The following TEC variants were observed in gnomAD, a reference collection of about 807,000 sequenced individuals.
TEC encodes tec protein tyrosine kinase, also known as tyrosine-protein kinase Tec.
Under a neutral mutation model 93.0 loss-of-function variants are expected in TEC, and 72 were observed. That is an observed-to-expected ratio of 0.77 (90% confidence interval 0.64 to 0.94). The LOEUF is 0.94. TEC is among the 40% of genes least tolerant of loss of function. The pLI is 0.00. For missense variants in TEC, 630 were observed against 757.9 expected, an observed-to-expected ratio of 0.83 and a Z score of 1.98; for synonymous variants, 249 against 247.7, an observed-to-expected ratio of 1.01 and a Z score of -0.05.
chr4:48,208,289 G>C (rs1052764243), intron 2 of TEC, among the ~76,000 whole-genome samples: 5 of 152,298 alleles, frequency 3.3e-5, no homozygotes, highest in African/African-American at 1.2e-4. Context: ...CTGAGGGACT[G>C]ACCTCTCCAA....
chr4:48,255,187 C>T (rs1724308733), intron 1 of TEC, among the ~76,000 whole-genome samples: 1 of 152,182 alleles, frequency 6.6e-6, no homozygotes, highest in African/African-American at 2.4e-5. Flanking sequence ...GCTCTCACCA[C>T]CGTGCAGTGC....
chr4:48,242,807 C>T (rs11947315), intron 1 of TEC, among the ~76,000 whole-genome samples: 18,761 of 152,074 alleles, frequency 0.12, 1,450 homozygotes, highest in East Asian at 0.24. Flanking sequence ...TTTTATCTAC[C>T]ATTATTCTAA....
rs759123159 is a variant in TEC at position 48,176,076 on chromosome 4, G to A, written c.243+6C>T. 1.2e-6 allele frequency: 2 copies of A among 1,607,198 alleles called. No homozygotes were observed. The highest frequency in any genetic ancestry group is 3.3e-5 in the Admixed American group (2 of 59,982). On this transcript the variant is annotated splice_donor_region_variant and intron_variant, in intron 3 of 17. Transcript: ENST00000381501. ...ACTGCACTGCCACAAAAATACACCA[G>A]CTCACCTGAAATGGATACTTATTTT...
Position 48,150,935 on chromosome 4 carries a change from T to G in TEC, c.800A>C (p.Glu267Ala). Residue 267 changes from glutamate (E) to alanine (A), a missense_variant, in exon 10 of 18, where the codon GAA becomes GCA. Physicochemically the swap from Glu to Ala is moderately radical, Grantham distance 107 (BLOSUM62 -1). Around this residue, in one of 3 missense-constraint regions of TEC, gnomAD observed 335 missense variants for 351.5 expected, o/e 0.95. Transcript: ENST00000381501. The part of the protein sequence containing the change: ...AEQLLRSEDK[E>A]GGFMVRDSSQ... ...GGAATCCCTTACCATAAAACCACCT[T>G]CTTTATCCTAAAATCCAAGTTCAGA... 1.3e-6 allele frequency: 2 copies of G among 1,583,918 alleles called. No homozygotes were observed. The highest frequency in any genetic ancestry group is 2.7e-5 in the African/African-American group (2 of 73,942).
At chr4:48,167,068 T>C (rs904700243) in intron 7 of TEC, among the ~76,000 whole-genome samples, 2 of 152,000 alleles carry the variant, frequency 1.3e-5, no homozygotes, top group Non-Finnish European at 2.9e-5. Flanking sequence ...AAACACAGGA[T>C]ACAGAGTTTG....
intron 1 of TEC, among the ~76,000 whole-genome samples, chr4:48,257,700 T>C (rs928268806): frequency 4.6e-5 from 7 of 152,192 alleles, no homozygotes; most frequent in Non-Finnish European, 1.0e-4. Context: ...ATTTGGGATG[T>C]TTATTACTTG....
intron 1 of TEC, among the ~76,000 whole-genome samples, chr4:48,234,771 T>C (rs1723739883): frequency 6.6e-6 from 1 of 151,550 alleles, no homozygotes; most frequent in Non-Finnish European, 1.5e-5. Flanking sequence ...GGTGGGGGAG[T>C]ACTTTATGAA....
chr4:48,138,602 T>A, intron 17 of TEC, 63 bp downstream of exon 17: 2 of 1,524,764 alleles, frequency 1.3e-6, no homozygotes, highest in South Asian at 2.6e-5. Context: ...AGACTGCATG[T>A]TATCCATCTA....
intron 2 of TEC, among the ~76,000 whole-genome samples, chr4:48,216,965 C>T (rs1723102107): frequency 2.0e-5 from 3 of 152,154 alleles, no homozygotes; most frequent in Non-Finnish European, 4.4e-5. Flanking sequence ...AGGACCAAAC[C>T]TTTGATTAAA....
At chr4:48,205,167 C>T (rs957941487) in intron 2 of TEC, among the ~76,000 whole-genome samples, 2 of 152,220 alleles carry the variant, frequency 1.3e-5, no homozygotes, top group African/African-American at 4.8e-5. Flanking sequence ...TGTAGACACT[C>T]AATAAATGTT....
intron 2 of TEC, among the ~76,000 whole-genome samples, chr4:48,207,032 G>A (rs867823452): frequency 4.6e-5 from 7 of 152,246 alleles, no homozygotes; most frequent in Non-Finnish European, 5.9e-5. Context: ...GAAGGAGACA[G>A]AGATCTTCTG....
Position 48,137,386 on chromosome 4 carries a change from G to T in TEC, c.*30C>A. On this transcript the variant is annotated 3_prime_UTR_variant, in exon 18 of 18. Transcript: ENST00000381501. ...AAATGCCCATCCTTCCTTGTGCTTG[G>T]GAATCTGGGAGCCACTGGTCACACA... The T allele has an allele frequency of 6.3e-7, 1 of 1,584,976 alleles. No individual in the cohort carries two copies. The highest frequency in any genetic ancestry group is 8.6e-7 in the Non-Finnish European group (1 of 1,156,318).
intron 1 of TEC, among the ~76,000 whole-genome samples, chr4:48,232,214 G>C (rs1723666302): frequency 6.6e-6 from 1 of 151,948 alleles, no homozygotes; most frequent in Non-Finnish European, 1.5e-5. Context: ...GTTTGAACCG[G>C]GGAGGCAGAA....
chr4:48,249,531 T>C (rs1724148547), intron 1 of TEC, among the ~76,000 whole-genome samples: 1 of 152,266 alleles, frequency 6.6e-6, no homozygotes, highest in African/African-American at 2.4e-5. Context: ...TGCTAGTATG[T>C]GCCTTCCTGA....
At chr4:48,256,594 CAAAAAAAA>C (rs34792955) in intron 1 of TEC, among the ~76,000 whole-genome samples, 23 of 61,678 alleles carry the variant, frequency 3.7e-4, no homozygotes, top group Non-Finnish European at 6.7e-4. Flanking sequence ...GACCTTGTCT[CAAAAAAAA>C]AAAAAAAAAA....
chr4:48,224,308 C>A (rs545847654), intron 2 of TEC, among the ~76,000 whole-genome samples: 1 of 152,316 alleles, frequency 6.6e-6, no homozygotes, highest in Admixed American at 6.5e-5. Flanking sequence ...TGCAAATTTA[C>A]ATACTACTTC....
At chr4:48,237,491 T>A (rs1369841907) in intron 1 of TEC, among the ~76,000 whole-genome samples, 1 of 152,102 alleles carries the variant, frequency 6.6e-6, no homozygotes, top group African/African-American at 2.4e-5. Flanking sequence ...GACTGTGAGT[T>A]ACCAAATGAT....
intron 1 of TEC, among the ~76,000 whole-genome samples, chr4:48,258,491 T>C (rs1303233792): frequency 6.6e-6 from 1 of 152,162 alleles, no homozygotes; most frequent in Non-Finnish European, 1.5e-5. Context: ...TGAGATCAAC[T>C]GTTTAGCTTT....
chr4:48,146,768 T>A (rs909070071), intron 11 of TEC, among the ~76,000 whole-genome samples: 4 of 152,164 alleles, frequency 2.6e-5, no homozygotes, highest in Non-Finnish European at 5.9e-5. Flanking sequence ...AATCTTAGCA[T>A]ACAAATCGGG....
Sources: gnomAD v4.1 joint callset for allele counts (sites outside exome capture counted in the v4.1 genomes callset) on GRCh38, gnomAD v4.1.1 for gene constraint, gnomAD v4.1.1 regional missense constraint, MANE v1.5 for transcripts, NCBI Gene and HGNC (gene_info 2026-07-23, HGNC 2026-07-21) for gene names.